RERE: variants seen among roughly 807,000 people sequenced by gnomAD.
RERE encodes arginine-glutamic acid dipeptide repeats protein.
In RERE, 40 loss-of-function variants were observed where a neutral mutation model predicts 146.1. That is an observed-to-expected ratio of 0.27 (90% CI 0.21 to 0.36). The LOEUF (loss-of-function observed/expected upper bound fraction) is 0.36. Among genes scored for constraint, RERE ranks in the 10% least tolerant of loss-of-function variants. RERE has a pLI of 1.00. For missense variants in RERE, 1,933 were observed against 2,138.7 expected (o/e 0.90, Z 1.90); for synonymous variants, 1,003 against 866.0 (o/e 1.16, Z -2.78).
At chr1:8,702,057 G>A (rs1193225827) in intron 1 of RERE, among the ~76,000 whole-genome samples, 2 of 149,274 alleles carry the variant, frequency 1.3e-5, no homozygotes, top group Non-Finnish European at 3.0e-5. Context: ...TAAATTTGGA[G>A]TTTCCAGAAA....
chr1:8,815,011 T>C lies in RERE; in HGVS notation c.-145+2149A>G, dbSNP rs575304209. On this transcript the variant is annotated intron_variant, in intron 1 of 22. Transcript: ENST00000400908. ...AACAACTGCGCTTAAAAGAAAATCA[T>C]TAAGCCTCAGCCATTAATCCCCTCC... 4.5e-4 allele frequency among the ~76,000 whole-genome samples: 69 copies of C among 152,314 alleles called. 1 individual carries two copies. Among genetic ancestry groups the C allele is most frequent in the African/African-American group, 1.5e-3 (64 of 41,562 alleles).
chr1:8,597,134 C>A (rs1330705929), intron 4 of RERE, among the ~76,000 whole-genome samples: 1 of 150,140 alleles, frequency 6.7e-6, no homozygotes. Flanking sequence ...GTCACCCAGG[C>A]CAGAGCGCAG....
chr1:8,395,961 T>C (rs985315221), intron 12 of RERE, among the ~76,000 whole-genome samples: 1 of 152,140 alleles, frequency 6.6e-6, no homozygotes, highest in Admixed American at 6.5e-5. Flanking sequence ...CTGTAAGGCA[T>C]AGGTGACACC....
Position 8,614,682 on chromosome 1 carries a change from T to G in RERE, c.401A>C (p.His134Pro). 1 of 1,607,668 alleles carries G rather than the reference T, an allele frequency of 6.2e-7. No individual in the cohort carries two copies. Among genetic ancestry groups the G allele is most frequent in the African/African-American group, 1.3e-5 (1 of 74,672 alleles). The change falls in exon 4 of 23, where the codon CAC (histidine) becomes CCC (proline). Residue 134 changes from histidine (H) to proline (P), a missense_variant. Coordinates refer to ENST00000400908, the MANE Select transcript of RERE (RefSeq NM_001042681.2). ...ICSIQDFKLV[H>P]NSQACCRSPT... The stretch of plus-strand genomic sequence containing the variant: ...AGATCTGCAACAGGCCTGGGAGTTG[T>G]GGACCTAAAAAAGAAAACAGTTTTA...
At chr1:8,694,879 A>C (rs1315452819) in intron 1 of RERE, among the ~76,000 whole-genome samples, 1 of 151,472 alleles carries the variant, frequency 6.6e-6, no homozygotes, top group Non-Finnish European at 1.5e-5. Context: ...TATTCCTATC[A>C]AACTACTAAT....
intron 2 of RERE, among the ~76,000 whole-genome samples, chr1:8,649,838 G>A (rs924299512): frequency 2.0e-5 from 3 of 151,928 alleles, no homozygotes; most frequent in Admixed American, 6.6e-5. Flanking sequence ...AAGAATTGCT[G>A]TTTTTTTGGA....
chr1:8,468,236 C>A (rs1644629888), intron 10 of RERE, among the ~76,000 whole-genome samples: 1 of 152,036 alleles, frequency 6.6e-6, no homozygotes, highest in South Asian at 2.1e-4. Flanking sequence ...CCATTAGACT[C>A]TTTTAAAAAT....
chr1:8,457,032 G>A (rs902811907), intron 11 of RERE, among the ~76,000 whole-genome samples: 2 of 152,190 alleles, frequency 1.3e-5, no homozygotes, highest in African/African-American at 4.8e-5. Context: ...TTTGTTCACT[G>A]CTGTATCACC....
intron 1 of RERE, among the ~76,000 whole-genome samples, chr1:8,792,855 G>A (rs905427796): frequency 3.3e-5 from 5 of 151,898 alleles, no homozygotes; most frequent in African/African-American, 4.8e-5. Context: ...ATCGGATAGC[G>A]GAACATAAAG....
intron 12 of RERE, among the ~76,000 whole-genome samples, chr1:8,377,089 T>C (rs1214852360): frequency 6.6e-6 from 1 of 152,140 alleles, no homozygotes; most frequent in Non-Finnish European, 1.5e-5. Context: ...TAAAAATAAA[T>C]AAATAACAGA....
chr1:8,762,717 A>G (rs1331954072), intron 1 of RERE, among the ~76,000 whole-genome samples: 4 of 152,166 alleles, frequency 2.6e-5, no homozygotes, highest in African/African-American at 9.7e-5. Context: ...AGATGACCTT[A>G]ATGACCACCC....
At chr1:8,763,810 G>A (rs937982409) in intron 1 of RERE, among the ~76,000 whole-genome samples, 2 of 151,658 alleles carry the variant, frequency 1.3e-5, no homozygotes, top group African/African-American at 4.8e-5. Flanking sequence ...GTGGTGGCAT[G>A]CGCACCTGTA....
intron 1 of RERE, among the ~76,000 whole-genome samples, chr1:8,663,603 G>A (rs973721796): frequency 6.6e-6 from 1 of 152,164 alleles, no homozygotes; most frequent in Non-Finnish European, 1.5e-5. Context: ...GTCCTCCAGT[G>A]CAGCCAGCCA....
At chr1:8,585,146 C>CAAAAAAAAAAAAA (rs3082123) in intron 4 of RERE, among the ~76,000 whole-genome samples, 12 of 130,118 alleles carry the variant, frequency 9.2e-5, no homozygotes, top group African/African-American at 3.5e-4. Flanking sequence ...GACTCCATCT[C>CAAAAAAAAAAAAA]AAAAAAAAAA....
intron 4 of RERE, among the ~76,000 whole-genome samples, chr1:8,599,799 GACA>G (rs1260010596): frequency 6.6e-6 from 1 of 152,182 alleles, no homozygotes; most frequent in Non-Finnish European, 1.5e-5. Flanking sequence ...ACAGCTCAGT[GACA>G]ACATCAGAGA....
At chr1:8,730,073 T>C (rs1014201955) in intron 1 of RERE, among the ~76,000 whole-genome samples, 2 of 152,236 alleles carry the variant, frequency 1.3e-5, no homozygotes, top group Admixed American at 6.5e-5. Context: ...CAAATAGCTA[T>C]GATAATGTGT....
chr1:8,466,580 T>C (rs1367570713), intron 10 of RERE, among the ~76,000 whole-genome samples: 2 of 152,212 alleles, frequency 1.3e-5, no homozygotes, highest in African/African-American at 4.8e-5. Context: ...GATTATGTTC[T>C]TTCTTTTTAG....
intron 11 of RERE, among the ~76,000 whole-genome samples, chr1:8,462,402 G>A (rs1570278021): frequency 6.6e-6 from 1 of 152,234 alleles, no homozygotes; most frequent in Admixed American, 6.5e-5. Flanking sequence ...ACTGCCAAGC[G>A]AGTGACGCGC....
intron 4 of RERE, among the ~76,000 whole-genome samples, chr1:8,587,171 A>G (rs1646437034): frequency 6.6e-6 from 1 of 152,180 alleles, no homozygotes; most frequent in African/African-American, 2.4e-5. Context: ...ATTGTCCTCT[A>G]TAGAAAATTA....
Sources: allele counts gnomAD v4.1 joint callset (sites outside exome capture counted in the v4.1 genomes callset), GRCh38; gene constraint gnomAD v4.1.1; transcripts MANE v1.5; gene names NCBI Gene and HGNC (gene_info 2026-07-23, HGNC 2026-07-21).